CPED1: variants seen among roughly 807,000 people sequenced by gnomAD.
The protein encoded by CPED1 is cadherin-like and PC-esterase domain-containing protein 1.
A neutral mutation model predicts 128.2 loss-of-function variants in CPED1; 114 were observed. That is an observed-to-expected ratio of 0.89 (90% CI 0.76 to 1.04). The LOEUF is 1.04. CPED1 is among the 50% of genes least tolerant of loss of function. CPED1 has a pLI of 0.00. For synonymous variants in CPED1, 462 were observed against 426.7 expected (o/e 1.08, Z -1.02); for missense variants, 1,211 against 1,207.1 (o/e 1.00, Z -0.05).
intron 16 of CPED1, among the ~76,000 whole-genome samples, chr7:121,143,897 G>T (rs1472321727): frequency 6.6e-6 from 1 of 151,788 alleles, no homozygotes; most frequent in East Asian, 1.9e-4. Flanking sequence ...GTAGCTAAAA[G>T]TTGAAAAAAA....
chr7:121,050,480 T>TTTTTTG lies in CPED1; in HGVS notation c.540+3487_540+3488insTTTTTG. The stretch of plus-strand genomic sequence containing the variant: ...TATAGGTTTTTTTTTTTTTTTTTTT[T>TTTTTTG]GAGATGGAGTTTCACTCTTGTTGCC... On this transcript the variant is annotated intron_variant, in intron 4 of 22. Transcript: ENST00000310396. 1.3e-5 allele frequency: 2 copies of TTTTTTG among 149,862 alleles called. 1 individual carries two copies. Among genetic ancestry groups the TTTTTTG allele is most frequent in the Non-Finnish European group, 2.9e-5 (2 of 68,150 alleles). 9.3% of individuals were successfully genotyped at this position (149,862 alleles called of 1,614,324 possible). A position where few individuals can be genotyped will look rare whatever the true frequency, so the allele number is the denominator to read the frequency against.
intron 20 of CPED1, 49 bp from the exon 21 acceptor site, chr7:121,267,166 G>A: frequency 2.0e-6 from 2 of 1,002,428 alleles, no homozygotes; most frequent in Non-Finnish European, 3.1e-6. Context: ...CAAACATCTA[G>A]AAATGTAATT....
At chr7:121,256,295 TG>T (rs1791874560) in intron 18 of CPED1, among the ~76,000 whole-genome samples, 1 of 152,006 alleles carries the variant, frequency 6.6e-6, no homozygotes, top group African/African-American at 2.4e-5. Flanking sequence ...TACAACCATC[TG>T]ATCTTCAACA....
intron 22 of CPED1, among the ~76,000 whole-genome samples, chr7:121,294,749 A>G (rs1205466452): frequency 1.9e-4 from 29 of 151,620 alleles, no homozygotes; most frequent in Admixed American, 1.9e-3. Context: ...ACTGGGGTTA[A>G]TCAGAAGTCA....
chr7:121,074,955 A>G (rs369520609), intron 5 of CPED1, among the ~76,000 whole-genome samples: 12 of 152,262 alleles, frequency 7.9e-5, no homozygotes, highest in South Asian at 4.1e-4. Flanking sequence ...TTTGTTTACC[A>G]TGGTCCATAT....
intron 16 of CPED1, among the ~76,000 whole-genome samples, chr7:121,152,287 C>T (rs1755202432): frequency 6.6e-6 from 1 of 152,080 alleles, no homozygotes; most frequent in South Asian, 2.1e-4. Context: ...CTTTCCAGAC[C>T]TAATGATTTG....
At chr7:121,024,321 T>C (rs539508877) in intron 3 of CPED1, among the ~76,000 whole-genome samples, 2 of 152,282 alleles carry the variant, frequency 1.3e-5, no homozygotes, top group Admixed American at 6.5e-5. Context: ...CCCATTCTGA[T>C]GTTTTCTTTA....
chr7:121,225,870 C>A (rs1797996016), intron 16 of CPED1, among the ~76,000 whole-genome samples: 1 of 152,090 alleles, frequency 6.6e-6, no homozygotes, highest in Admixed American at 6.5e-5. Flanking sequence ...TTCTAGTTAG[C>A]CATTCGTCTA....
In CPED1 at chr7:121,232,195, G is replaced by A. The variant is rs543553350; in HGVS notation, c.2056-4519G>A. 1.1e-4 allele frequency among the ~76,000 whole-genome samples: 17 copies of A among 152,230 alleles called. No homozygotes were observed. In the South Asian group the frequency reaches 1.5e-3, roughly 13 times the overall value. ...GCAAGTTGTCTTTTCCCACAAAGTC[G>A]CAGGGCAAGTTTTTTTTCCATTCCC... On this transcript the variant is annotated intron_variant, in intron 16 of 22. Coordinates refer to ENST00000310396, the MANE Select transcript of CPED1 (RefSeq NM_024913.5).
chr7:121,086,125 C>G (rs971871380), intron 5 of CPED1, among the ~76,000 whole-genome samples: 9 of 152,172 alleles, frequency 5.9e-5, no homozygotes, highest in Non-Finnish European at 1.3e-4. Context: ...GTTTCTGTTT[C>G]TACATTCCTT....
chr7:121,073,783 T>A (rs2116100710), intron 5 of CPED1, among the ~76,000 whole-genome samples: 1 of 150,498 alleles, frequency 6.6e-6, no homozygotes, highest in South Asian at 2.1e-4. Flanking sequence ...AAGATCCATA[T>A]CTTGAAACCC....
At chr7:121,255,637 G>A (rs1036959813) in intron 18 of CPED1, among the ~76,000 whole-genome samples, 13 of 151,938 alleles carry the variant, frequency 8.6e-5, no homozygotes, top group East Asian at 3.9e-4. Flanking sequence ...CTTTGTTAAC[G>A]ATATGATTCT....
At chr7:121,115,528 T>G (rs1047390116) in intron 7 of CPED1, among the ~76,000 whole-genome samples, 7 of 152,206 alleles carry the variant, frequency 4.6e-5, no homozygotes, top group Non-Finnish European at 1.0e-4. Flanking sequence ...ATACCCTGCA[T>G]AAAATATCCA....
intron 5 of CPED1, among the ~76,000 whole-genome samples, chr7:121,071,809 A>G (rs1365162918): frequency 1.3e-5 from 2 of 152,144 alleles, no homozygotes; most frequent in Non-Finnish European, 2.9e-5. Flanking sequence ...GCCGAATCTC[A>G]TAGCTCTTTG....
intron 4 of CPED1, among the ~76,000 whole-genome samples, chr7:121,047,822 T>C (rs1038138131): frequency 6.6e-6 from 1 of 151,608 alleles, no homozygotes; most frequent in Non-Finnish European, 1.5e-5. Flanking sequence ...GCCATTCTCC[T>C]GCCTCAGCCT....
At chr7:121,279,249 C>G (rs148475139) in intron 22 of CPED1, among the ~76,000 whole-genome samples, 87 of 141,252 alleles carry the variant, frequency 6.2e-4, no homozygotes, top group African/African-American at 2.1e-3. Flanking sequence ...CACAGAATGA[C>G]TTTTCCTTAT....
At position 121,124,360 on chromosome 7, in the gene CPED1, A is replaced by C; in HGVS notation, c.948A>C (p.Arg316Ser). 6.2e-7 allele frequency: 1 copy of C among 1,610,090 alleles called. No individual in the cohort carries two copies. The highest frequency in any genetic ancestry group is 8.5e-7 in the Non-Finnish European group (1 of 1,177,802). The change falls in exon 8 of 23, where the codon AGA (arginine) becomes AGC (serine). Residue 316 changes from arginine (R) to serine (S), a missense_variant. Coordinates refer to ENST00000310396, the MANE Select transcript of CPED1 (RefSeq NM_024913.5). ...KLQTFFETFL[R>S]ASSPQQAFDI... ...AAACATTTTTTGAGACATTCCTGAGAGCCAGTTCACCTCAACAGGCTTTTG... is the reference window on the plus strand; with the variant it reads ...AAACATTTTTTGAGACATTCCTGAGCGCCAGTTCACCTCAACAGGCTTTTG...
intron 8 of CPED1, among the ~76,000 whole-genome samples, 175 bp downstream of exon 8, chr7:121,124,648 A>G (rs1795461851): frequency 6.6e-6 from 1 of 152,158 alleles, no homozygotes; most frequent in South Asian, 2.1e-4. Context: ...ATAGATCCTA[A>G]AACTTTAGAA....
chr7:121,136,375 C>T (rs1795783242), intron 14 of CPED1, among the ~76,000 whole-genome samples: 1 of 151,998 alleles, frequency 6.6e-6, no homozygotes, highest in Non-Finnish European at 1.5e-5. Flanking sequence ...GATGTAAGAG[C>T]TTGGCTTATC....
Sources: gnomAD v4.1 joint callset for allele counts (sites outside exome capture counted in the v4.1 genomes callset) on GRCh38, gnomAD v4.1.1 for gene constraint, MANE v1.5 for transcripts, NCBI Gene and HGNC (gene_info 2026-07-23, HGNC 2026-07-21) for gene names.